Variants in TASP1 observed in about 807,000 individuals in gnomAD.
TASP1 encodes threonine aspartase 1.
A neutral mutation model predicts 56.6 loss-of-function variants in TASP1; 16 were observed. That is an observed-to-expected ratio of 0.28 (90% CI 0.19 to 0.43). The LOEUF is 0.43. Ranked by LOEUF, TASP1 falls within the 20% of genes least tolerant of loss-of-function variation. TASP1 has a pLI of 1.00. For synonymous variants in TASP1, 179 were observed against 184.2 expected (o/e 0.97, Z 0.23); for missense variants, 393 against 511.6 (o/e 0.77, Z 2.24).
At chr20:13,305,433 A>G in the TASP1 span, among the ~76,000 whole-genome samples, 1 of 152,158 alleles carries the variant, frequency 6.6e-6, no homozygotes, top group East Asian at 1.9e-4. Flanking sequence ...CCCGACACAC[A>G]AAGAGTTATG....
intron 13 of TASP1, among the ~76,000 whole-genome samples, chr20:13,399,829 T>C (rs2041671336): frequency 6.6e-6 from 1 of 152,194 alleles, no homozygotes; most frequent in South Asian, 2.1e-4. Flanking sequence ...TAAAAAACTA[T>C]GTAATCTATC....
intron 8 of TASP1, among the ~76,000 whole-genome samples, chr20:13,552,235 T>G (rs890764963): frequency 1.3e-5 from 2 of 152,174 alleles, no homozygotes; most frequent in African/African-American, 4.8e-5. Context: ...CACAAACCAC[T>G]GCAAACATCA....
At chr20:13,242,492 G>A in the TASP1 span, among the ~76,000 whole-genome samples, 2 of 152,204 alleles carry the variant, frequency 1.3e-5, no homozygotes, top group Admixed American at 1.3e-4. Flanking sequence ...TGATTATCAT[G>A]GAGGAAAAGC....
At chr20:13,530,867 G>A (rs1205381920) in intron 9 of TASP1, among the ~76,000 whole-genome samples, 1 of 152,088 alleles carries the variant, frequency 6.6e-6, no homozygotes, top group African/African-American at 2.4e-5. Flanking sequence ...CCTTAAGCAA[G>A]CCTTTAAAAA....
the TASP1 span, among the ~76,000 whole-genome samples, chr20:13,363,246 T>G: frequency 1.1e-4 from 17 of 152,144 alleles, no homozygotes; most frequent in East Asian, 2.9e-3. Context: ...CCCACACTCT[T>G]TGGAGAAGAA....
chr20:13,617,868 G>C (rs111598322), intron 4 of TASP1, among the ~76,000 whole-genome samples: 10 of 152,218 alleles, frequency 6.6e-5, no homozygotes, highest in African/African-American at 2.4e-4. Context: ...TCCTAGGTAT[G>C]CCCATATGCC....
chr20:13,628,504 T>C (rs2048976853), intron 2 of TASP1, among the ~76,000 whole-genome samples: 1 of 152,118 alleles, frequency 6.6e-6, no homozygotes, highest in Non-Finnish European at 1.5e-5. Flanking sequence ...TGTGAGAAAA[T>C]GGGATTAAAC....
chr20:13,171,325 TA>T, the TASP1 span, among the ~76,000 whole-genome samples: 1 of 152,212 alleles, frequency 6.6e-6, no homozygotes, highest in Admixed American at 6.5e-5. Flanking sequence ...CTTTCATATA[TA>T]AAAATGTGTT....
chr20:13,316,391 C>T, the TASP1 span, among the ~76,000 whole-genome samples: 5 of 152,006 alleles, frequency 3.3e-5, no homozygotes, highest in South Asian at 8.3e-4. Context: ...CAATTCTCTA[C>T]AATATCTTTC....
chr20:13,434,758 T>C (rs529676141), intron 12 of TASP1, among the ~76,000 whole-genome samples: 29 of 152,268 alleles, frequency 1.9e-4, no homozygotes, highest in Admixed American at 2.6e-4. Flanking sequence ...TGGAATAAGA[T>C]AGGACATGAA....
the TASP1 span, among the ~76,000 whole-genome samples, chr20:13,281,704 T>TG: frequency 6.6e-6 from 1 of 152,098 alleles, no homozygotes; most frequent in Non-Finnish European, 1.5e-5. Context: ...GTGCTTAGGT[T>TG]GGAAGATAGG....
chr20:13,355,878 C>A, the TASP1 span, among the ~76,000 whole-genome samples: 1 of 152,158 alleles, frequency 6.6e-6, no homozygotes, highest in African/African-American at 2.4e-5. Flanking sequence ...TCAAGGAGAT[C>A]CCCCAGTTCT....
At chr20:13,267,409 G>T in the TASP1 span, among the ~76,000 whole-genome samples, 4 of 152,198 alleles carry the variant, frequency 2.6e-5, no homozygotes, top group African/African-American at 9.7e-5. Flanking sequence ...TCCCGGCAGA[G>T]GTACTTGTGG....
intron 13 of TASP1, among the ~76,000 whole-genome samples, chr20:13,407,218 C>A (rs191714531): frequency 1.3e-5 from 2 of 152,250 alleles, no homozygotes; most frequent in East Asian, 3.9e-4. Flanking sequence ...CTAAAAGAAA[C>A]CCTGTGCCCA....
chr20:13,214,554 CACACACACAG>C, the TASP1 span, among the ~76,000 whole-genome samples: 12 of 105,262 alleles, frequency 1.1e-4, no homozygotes, highest in South Asian at 2.9e-4. Context: ...CACACACACA[CACACACACAG>C]AGAGAGAGAG....
intron 11 of TASP1, among the ~76,000 whole-genome samples, chr20:13,455,766 G>A (rs1310966087): frequency 1.2e-4 from 18 of 152,174 alleles, no homozygotes; most frequent in Admixed American, 1.2e-3. Context: ...CTGGTCTGCT[G>A]CTGTGCATTT....
At chr20:13,557,681 G>A (rs1478719109) in intron 8 of TASP1, among the ~76,000 whole-genome samples, 1 of 145,998 alleles carries the variant, frequency 6.8e-6, no homozygotes. Context: ...CCCAGACTCA[G>A]GTGATTCTCC....
the TASP1 span, among the ~76,000 whole-genome samples, chr20:13,178,172 A>G: frequency 6.6e-6 from 1 of 152,192 alleles, no homozygotes; most frequent in Non-Finnish European, 1.5e-5. Context: ...ATCACTTATC[A>G]TCAGGGAAAC....
intron 10 of TASP1, among the ~76,000 whole-genome samples, chr20:13,520,363 C>T (rs2044699005): frequency 6.6e-6 from 1 of 152,214 alleles, no homozygotes; most frequent in South Asian, 2.1e-4. Context: ...CGCTACCTGA[C>T]TTCAAACTAT....
Sources: allele counts gnomAD v4.1 joint callset (sites outside exome capture counted in the v4.1 genomes callset), GRCh38; gene constraint gnomAD v4.1.1; transcripts MANE v1.5; gene names NCBI Gene and HGNC (gene_info 2026-07-23, HGNC 2026-07-21).